EPB41L1: variants seen among roughly 807,000 people sequenced by gnomAD.
The protein encoded by EPB41L1 is erythrocyte membrane protein band 4.1 like 1.
A neutral mutation model predicts 97.8 loss-of-function variants in EPB41L1; 29 were observed. The ratio of observed to expected loss-of-function variants is 0.30; its 90% confidence interval spans 0.22 to 0.40. EPB41L1 has a LOEUF of 0.40. EPB41L1 is among the 10% of genes least tolerant of loss of function. EPB41L1 has a pLI of 1.00. For missense variants in EPB41L1, 812 were observed against 1,162.3 expected (o/e 0.70, Z 4.38); for synonymous variants, 383 against 459.2 (o/e 0.83, Z 2.12).
chr20:36,118,010 G>A (rs1400275069), intron 2 of EPB41L1, among the ~76,000 whole-genome samples: 1 of 152,206 alleles, frequency 6.6e-6, no homozygotes, highest in East Asian at 1.9e-4. Flanking sequence ...TGTTAGGGGG[G>A]CATCCCTCTG....
chr20:36,143,494 G>A (rs369183375), intron 2 of EPB41L1, among the ~76,000 whole-genome samples: 2 of 152,148 alleles, frequency 1.3e-5, no homozygotes, highest in Admixed American at 6.6e-5. Flanking sequence ...AAAGCTCATC[G>A]TCTTAGTGAA....
chr20:36,163,062 T>C (rs1052861180), intron 1 of EPB41L1, among the ~76,000 whole-genome samples: 2 of 152,006 alleles, frequency 1.3e-5, no homozygotes, highest in African/African-American at 4.8e-5. Flanking sequence ...GGAAGTCCCC[T>C]TGGGAAGGAA....
chr20:36,211,317 G>T (rs749928781), intron 15 of EPB41L1, among the ~76,000 whole-genome samples: 129 of 152,106 alleles, frequency 8.5e-4, no homozygotes, highest in Non-Finnish European at 1.5e-3. Context: ...GGAGGCAGAG[G>T]TTGCAGTGAG....
At chr20:36,228,140 AATG>A (rs1018696297) in intron 21 of EPB41L1, among the ~76,000 whole-genome samples, 8 of 152,240 alleles carry the variant, frequency 5.3e-5, no homozygotes, top group Admixed American at 3.3e-4. Context: ...AAGTAGCAGA[AATG>A]ATGTTTCATC....
intron 2 of EPB41L1, among the ~76,000 whole-genome samples, chr20:36,115,916 A>C (rs1332492909): frequency 1.3e-5 from 2 of 152,170 alleles, no homozygotes; most frequent in Non-Finnish European, 2.9e-5. Flanking sequence ...TAATAGTTGC[A>C]ACAACAACTC....
Position 36,214,410 on chromosome 20 carries a change from C to G in EPB41L1, c.2238C>G (p.Ser746=). 1 of 1,613,694 alleles carries G rather than the reference C, an allele frequency of 6.2e-7. No individual in the cohort carries two copies. The highest frequency in any genetic ancestry group is 8.5e-7 in the Non-Finnish European group (1 of 1,179,950). Reference sequence around the variant, plus strand: ...GGGAGTTCATAGCAACCACTCCCTCCATCACCACGGAGACCATATCGACCA... The same window carrying G: ...GGGAGTTCATAGCAACCACTCCCTCGATCACCACGGAGACCATATCGACCA... The part of the protein sequence containing the change: ...VGREFIATTP[S]ITTETISTTM... Residue 746 remains serine, a synonymous_variant, in exon 17 of 22, where the codon TCC becomes TCG. Coordinates refer to ENST00000338074, the MANE Select transcript of EPB41L1 (RefSeq NM_012156.2).
intron 3 of EPB41L1, 86 bp downstream of exon 3, chr20:36,175,801 G>A: frequency 6.7e-7 from 1 of 1,487,322 alleles, no homozygotes; most frequent in African/African-American, 1.4e-5. Flanking sequence ...CCCAGCTTGG[G>A]CCAAACCAGA....
At chr20:36,120,477 T>C (rs1172078029) in intron 2 of EPB41L1, among the ~76,000 whole-genome samples, 1 of 152,210 alleles carries the variant, frequency 6.6e-6, no homozygotes, top group Admixed American at 6.5e-5. Context: ...ATACATTCCA[T>C]GTGACGGGCA....
chr20:36,095,437 CT>C (rs1440725570), intron 1 of EPB41L1, among the ~76,000 whole-genome samples: 1 of 152,208 alleles, frequency 6.6e-6, no homozygotes, highest in Non-Finnish European at 1.5e-5. Context: ...TAGCCAACCC[CT>C]TCATGTGTTT....
At chr20:36,148,230 C>T (rs1340582340) in intron 2 of EPB41L1, among the ~76,000 whole-genome samples, 1 of 152,156 alleles carries the variant, frequency 6.6e-6, no homozygotes, top group Non-Finnish European at 1.5e-5. Flanking sequence ...TCCTAAAGCT[C>T]ATAGTGCAAT....
chr20:36,178,732 C>T lies in EPB41L1; in HGVS notation c.490+60C>T, dbSNP rs1219720856. 3.9e-6 allele frequency: 6 copies of T among 1,554,448 alleles called. No homozygotes were observed. The South Asian group carries it at 5.6e-5, about 14-fold the overall frequency. On this transcript the variant is annotated intron_variant, in intron 5 of 21. Transcript: ENST00000338074. ...GTGAGGGGATTCCAGGCCATGAGAGCCCCCCTTGTACTGCTCTCTCCTCCT... is the reference window on the plus strand; with the variant it reads ...GTGAGGGGATTCCAGGCCATGAGAGTCCCCCTTGTACTGCTCTCTCCTCCT...
At chr20:36,220,798 C>A (rs940354007) in intron 19 of EPB41L1, among the ~76,000 whole-genome samples, 1 of 152,066 alleles carries the variant, frequency 6.6e-6, no homozygotes, top group Non-Finnish European at 1.5e-5. Flanking sequence ...GGGAGGCAGG[C>A]GGGCTGATGC....
chr20:36,112,145 C>G (rs1187144919), intron 1 of EPB41L1, among the ~76,000 whole-genome samples: 1 of 152,210 alleles, frequency 6.6e-6, no homozygotes, highest in East Asian at 1.9e-4. Context: ...CTTCCATCCT[C>G]TACCCTGTAA....
intron 3 of EPB41L1, among the ~76,000 whole-genome samples, chr20:36,176,762 G>C (rs188408743): frequency 2.8e-4 from 42 of 151,398 alleles, no homozygotes; most frequent in African/African-American, 9.7e-4. Context: ...CTCCTGAATA[G>C]CTGGGATTAC....
At chr20:36,151,898 G>C (rs1374425166), upstream of EPB41L1, 2 of 152,078 alleles carry the variant, frequency 1.3e-5, no homozygotes, top group Non-Finnish European at 2.9e-5. Context: ...TCAGGAGATC[G>C]AGACCATCCT....
Position 36,205,902 on chromosome 20 carries a change from C to T in EPB41L1, c.1669-3586C>T, listed in dbSNP as rs535180165. On this transcript the variant is annotated intron_variant, in intron 14 of 21. Transcript: ENST00000338074. ...GAGAGTACACTAGGCCAGAAGAGCT[C>T]GGTCTCCTAAAAGTGACCACCATGC... 1.3e-5 allele frequency: 17 copies of T among 1,289,856 alleles called. No individual in the cohort carries two copies. The East Asian group carries it at 2.2e-4, about 17-fold the overall frequency. The allele number at this position is 1,289,856 out of a possible 1,614,324, so 79.9% of individuals were successfully genotyped here.
intron 1 of EPB41L1, among the ~76,000 whole-genome samples, chr20:36,165,415 G>A (rs1166153869): frequency 6.6e-6 from 1 of 152,088 alleles, no homozygotes; most frequent in Admixed American, 6.5e-5. Flanking sequence ...GAAAGAGGAA[G>A]TGGCTGGGTG....
At chr20:36,164,303 T>C (rs535801800) in intron 1 of EPB41L1, among the ~76,000 whole-genome samples, 2 of 152,332 alleles carry the variant, frequency 1.3e-5, no homozygotes, top group East Asian at 3.9e-4. Context: ...TGTAGGGAGA[T>C]GGGAGAGACA....
At position 36,218,904 on chromosome 20, in the gene EPB41L1, C is replaced by A. The variant is rs761764835; in HGVS notation, c.2297C>A (p.Ala766Glu). The A allele has an allele frequency of 1.2e-6, 2 of 1,614,168 alleles. No homozygotes were observed. The highest frequency in any genetic ancestry group is 2.2e-5 in the South Asian group (2 of 91,084). Residue 766 changes from alanine to glutamate, a missense_variant, in exon 18 of 22, where the codon GCA (alanine) becomes GAA (glutamate). Physicochemically the swap from Ala to Glu is moderately radical, Grantham distance 107. Around this residue, in one of 3 missense-constraint regions of EPB41L1, gnomAD observed 498 missense variants for 622.7 expected, o/e 0.80. Transcript: ENST00000338074. ...AACAGTCTCAAGTCCGGGAAGGGGG[C>A]AGCTGCCATGATCCCAGGCCCACAG... ...MENSLKSGKG[A>E]AAMIPGPQTV...
Sources: allele counts gnomAD v4.1 joint callset (sites outside exome capture counted in the v4.1 genomes callset), GRCh38; gene constraint gnomAD v4.1.1; regional missense constraint gnomAD v4.1.1; transcripts MANE v1.5; gene names NCBI Gene and HGNC (gene_info 2026-07-23, HGNC 2026-07-21).